The following WDPCP variants were observed in gnomAD, a reference collection of about 807,000 sequenced individuals.
The protein encoded by WDPCP is WD repeat-containing and planar cell polarity effector protein fritz homolog.
Under a neutral mutation model 93.1 loss-of-function variants are expected in WDPCP, and 71 were observed. That is an observed-to-expected ratio of 0.76 (90% CI 0.63 to 0.93). WDPCP has a LOEUF of 0.93. Among genes scored for constraint, WDPCP ranks in the 40% least tolerant of loss-of-function variants. WDPCP has a pLI of 0.00. For synonymous variants in WDPCP, 315 were observed against 315.0 expected (o/e 1.00, Z 0.00); for missense variants, 844 against 887.4 (o/e 0.95, Z 0.62).
At chr2:63,622,928 C>G in intron 3 of WDPCP, 1 of 1,025,200 alleles carries the variant, frequency 9.8e-7, no homozygotes, top group Non-Finnish European at 1.4e-6. Flanking sequence ...TCGGCGCACA[C>G]CTGCTGCCAG....
At chr2:63,696,301 T>G (rs1487613307) in intron 2 of WDPCP, among the ~76,000 whole-genome samples, 1 of 60,442 alleles carries the variant, frequency 1.7e-5, no homozygotes, top group African/African-American at 1.0e-4. Context: ...CCGTTGCTAA[T>G]ACCCCAGCAA....
intron 1 of WDPCP, among the ~76,000 whole-genome samples, chr2:63,554,175 A>G (rs1238192460): frequency 6.6e-6 from 1 of 152,134 alleles, no homozygotes; most frequent in Non-Finnish European, 1.5e-5. Flanking sequence ...TGATTTTGAC[A>G]TTTCTGATGC....
At chr2:63,565,303 A>G (rs1217326366) in intron 1 of WDPCP, among the ~76,000 whole-genome samples, 2 of 152,216 alleles carry the variant, frequency 1.3e-5, no homozygotes. Context: ...TTATGAATAC[A>G]TAGACTGAAA....
At chr2:63,163,988 A>C (rs1672799201) in intron 15 of WDPCP, among the ~76,000 whole-genome samples, 1 of 152,214 alleles carries the variant, frequency 6.6e-6, no homozygotes, top group African/African-American at 2.4e-5. Flanking sequence ...TGAATTCAAT[A>C]CTGGTTCATT....
intron 3 of WDPCP, chr2:63,622,601 C>A (rs1575732198): frequency 1.9e-6 from 3 of 1,613,822 alleles, no homozygotes; most frequent in Non-Finnish European, 2.5e-6. Context: ...GGATGTACAC[C>A]GAGTGAGCAA....
intron 17 of WDPCP, among the ~76,000 whole-genome samples, chr2:63,122,333 C>A (rs1574653780): frequency 6.6e-6 from 1 of 152,206 alleles, no homozygotes; most frequent in Non-Finnish European, 1.5e-5. Context: ...TCTGAGGGTT[C>A]CTCCAATGAA....
chr2:63,300,853 A>G (rs550893480), intron 13 of WDPCP, among the ~76,000 whole-genome samples: 1 of 152,258 alleles, frequency 6.6e-6, no homozygotes, highest in East Asian at 1.9e-4. Flanking sequence ...TCTGGAGAGT[A>G]CATGGCATTT....
intron 10 of WDPCP, among the ~76,000 whole-genome samples, chr2:63,402,186 A>C (rs1694200776): frequency 6.6e-6 from 1 of 152,196 alleles, no homozygotes; most frequent in African/African-American, 2.4e-5. Flanking sequence ...CGAAGCTGGA[A>C]GCCGTCATCC....
intron 2 of WDPCP, among the ~76,000 whole-genome samples, chr2:63,800,673 A>G (rs892296668): frequency 5.3e-5 from 8 of 152,218 alleles, no homozygotes; most frequent in Non-Finnish European, 7.3e-5. Flanking sequence ...AATGCTCAAC[A>G]TTTACTTATA....
At chr2:63,592,513 C>A (rs1488492477), upstream of WDPCP, among the ~76,000 whole-genome samples, 1 of 152,108 alleles carries the variant, frequency 6.6e-6, no homozygotes, top group Non-Finnish European at 1.5e-5. Flanking sequence ...CCACACCCAG[C>A]TAAATTGTTT....
chr2:63,611,540 G>A (rs1347674612), intron 3 of WDPCP, among the ~76,000 whole-genome samples: 1 of 152,068 alleles, frequency 6.6e-6, no homozygotes, highest in Non-Finnish European at 1.5e-5. Context: ...TGGTATGTAA[G>A]CTTAAGAATT....
chr2:63,550,726 C>T (rs938274816), intron 1 of WDPCP, among the ~76,000 whole-genome samples: 3 of 150,020 alleles, frequency 2.0e-5, no homozygotes, highest in Non-Finnish European at 4.4e-5. Flanking sequence ...TATATATATA[C>T]ATATATATGT....
chr2:63,208,090 ATCC>A (rs1676477589), intron 14 of WDPCP, among the ~76,000 whole-genome samples: 1 of 152,026 alleles, frequency 6.6e-6, no homozygotes, highest in African/African-American at 2.4e-5. Flanking sequence ...TGAGTTTGTT[ATCC>A]TTATTTACAT....
At chr2:63,702,014 G>C (rs1409939002) in intron 2 of WDPCP, among the ~76,000 whole-genome samples, 2 of 152,128 alleles carry the variant, frequency 1.3e-5, no homozygotes, top group African/African-American at 4.8e-5. Flanking sequence ...ATTGTTCCTA[G>C]CATAAAGAAA....
intron 12 of WDPCP, chr2:63,377,996 C>A (rs1691996621): frequency 5.5e-6 from 1 of 182,404 alleles, no homozygotes; most frequent in East Asian, 1.4e-4. Context: ...AGTTTTTCTA[C>A]AGTAATTCTT....
At chr2:63,839,377 G>A in the WDPCP span, among the ~76,000 whole-genome samples, 1 of 152,168 alleles carries the variant, frequency 6.6e-6, no homozygotes, top group African/African-American at 2.4e-5. Flanking sequence ...GGCCAACATG[G>A]CGAAACCCCG....
chr2:63,180,736 A>T (rs545547963), intron 14 of WDPCP, among the ~76,000 whole-genome samples: 337 of 152,254 alleles, frequency 2.2e-3, no homozygotes, highest in Non-Finnish European at 4.1e-3. Flanking sequence ...TTCTATTTGC[A>T]GTTCTATGAG....
At chr2:63,513,178 A>T (rs1702343643) in intron 1 of WDPCP, among the ~76,000 whole-genome samples, 1 of 152,232 alleles carries the variant, frequency 6.6e-6, no homozygotes, top group Non-Finnish European at 1.5e-5. Context: ...TAGGTCTATT[A>T]AAAAAGCACA....
the WDPCP span, among the ~76,000 whole-genome samples, chr2:63,836,974 T>C: frequency 3.3e-5 from 5 of 152,250 alleles, no homozygotes; most frequent in Non-Finnish European, 7.3e-5. Flanking sequence ...TAATGTGAAC[T>C]AACTTCATTT....
Sources: allele counts gnomAD v4.1 joint callset (sites outside exome capture counted in the v4.1 genomes callset), GRCh38; gene constraint gnomAD v4.1.1; transcripts MANE v1.5; gene names NCBI Gene and HGNC (gene_info 2026-07-23, HGNC 2026-07-21).